PLCB4: variants seen among roughly 807,000 people sequenced by gnomAD.
The protein encoded by PLCB4 is 1-phosphatidylinositol 4,5-bisphosphate phosphodiesterase beta-4.
A neutral mutation model predicts 178.8 loss-of-function variants in PLCB4; 77 were observed. The ratio of observed to expected loss-of-function variants is 0.43; its 90% confidence interval spans 0.36 to 0.52. PLCB4 has a LOEUF of 0.52. Among genes scored for constraint, PLCB4 ranks in the 20% least tolerant of loss-of-function variants. The probability of loss-of-function intolerance (pLI) is 0.00; values close to 1 mark genes in which losing one functional copy is unlikely to be tolerated. For synonymous variants in PLCB4, 496 were observed against 490.8 expected (o/e 1.01, Z -0.14); for missense variants, 1,024 against 1,453.4 (o/e 0.70, Z 4.80).
intron 28 of PLCB4, among the ~76,000 whole-genome samples, chr20:9,424,695 G>A (rs1244007200): frequency 6.6e-6 from 1 of 152,144 alleles, no homozygotes; most frequent in Non-Finnish European, 1.5e-5. Flanking sequence ...CCCCTGCAAA[G>A]TGAAGATAAT....
rs1182938582 is a variant in PLCB4, at chr20:9,349,074, AAAG to A, written c.369+10040_369+10042del. On this transcript the variant is annotated intron_variant, in intron 7 of 39. Transcript: ENST00000378473. ...ATAGTAAAAAAAAAAAAAGAAAAGA[AAAG>A]AAAAAGAAACTAAAAATCCCCTAGA... Among the ~76,000 whole-genome samples, 19 of 152,172 alleles carry A rather than the reference AAAG, an allele frequency of 1.2e-4. No individual in the cohort carries two copies. The East Asian group carries it at 3.7e-3, about 29-fold the overall frequency.
At chr20:9,390,701 A>G (rs2038068710) in intron 17 of PLCB4, 86 bp downstream of exon 17, 1 of 633,044 alleles carries the variant, frequency 1.6e-6, no homozygotes, top group Non-Finnish European at 2.9e-6. Flanking sequence ...TAGAGGACTA[A>G]TGCTAAAGAT....
chr20:9,184,044 G>A (rs919067755), intron 2 of PLCB4, among the ~76,000 whole-genome samples: 22 of 152,176 alleles, frequency 1.4e-4, no homozygotes, highest in African/African-American at 4.8e-4. Flanking sequence ...CCTGCAAAAA[G>A]AGGCAAAATT....
At chr20:9,399,611 C>A (rs1375308727) in intron 19 of PLCB4, among the ~76,000 whole-genome samples, 2 of 152,168 alleles carry the variant, frequency 1.3e-5, no homozygotes, top group Admixed American at 6.5e-5. Flanking sequence ...GGATAGGAGA[C>A]AAGTAGTGGA....
At chr20:9,296,194 G>A (rs1005872542) in intron 3 of PLCB4, among the ~76,000 whole-genome samples, 31 of 152,132 alleles carry the variant, frequency 2.0e-4, no homozygotes, top group African/African-American at 4.1e-4. Context: ...AAAAGTGGGC[G>A]AAGGATGTGA....
chr20:9,228,744 C>T (rs999551361), intron 3 of PLCB4, among the ~76,000 whole-genome samples: 8 of 152,114 alleles, frequency 5.3e-5, no homozygotes, highest in African/African-American at 1.9e-4. Context: ...ACTTCAGTAA[C>T]TATAATGGGA....
chr20:9,395,734 T>C (rs2038528802), intron 19 of PLCB4, 116 bp downstream of exon 19: 3 of 661,694 alleles, frequency 4.5e-6, no homozygotes, highest in East Asian at 3.1e-5. Context: ...GAGGCCAAGG[T>C]GGGAGGATTG....
intron 26 of PLCB4, among the ~76,000 whole-genome samples, chr20:9,420,307 A>T (rs1602558425): frequency 6.6e-6 from 1 of 152,070 alleles, no homozygotes; most frequent in East Asian, 1.9e-4. Flanking sequence ...ATGTGCTCAT[A>T]TGTCCCAACT....
intron 1 of PLCB4, among the ~76,000 whole-genome samples, chr20:9,076,827 T>C (rs1209914614): frequency 3.3e-5 from 3 of 91,040 alleles, no homozygotes; most frequent in Non-Finnish European, 5.0e-5. Context: ...GGGATTTCTT[T>C]TAATTTTTTT....
chr20:9,300,859 T>C (rs980504976), intron 3 of PLCB4, among the ~76,000 whole-genome samples: 8 of 152,080 alleles, frequency 5.3e-5, no homozygotes, highest in African/African-American at 1.9e-4. Context: ...TTTTCTGGGC[T>C]ACTATAAAAA....
At chr20:9,163,937 C>T (rs908621100) in intron 2 of PLCB4, among the ~76,000 whole-genome samples, 4 of 151,854 alleles carry the variant, frequency 2.6e-5, no homozygotes, top group Middle Eastern at 6.3e-3. Flanking sequence ...ATAATGTAAA[C>T]GAGATAAGTT....
chr20:9,364,462 A>G (rs566540617), intron 8 of PLCB4, among the ~76,000 whole-genome samples: 4 of 152,276 alleles, frequency 2.6e-5, no homozygotes, highest in Non-Finnish European at 5.9e-5. Context: ...CCATTCCTGG[A>G]AGATTATACT....
At chr20:9,448,153 GTAGAAA>G (rs944007697) in intron 32 of PLCB4, among the ~76,000 whole-genome samples, 10 of 152,046 alleles carry the variant, frequency 6.6e-5, no homozygotes, top group Non-Finnish European at 1.3e-4. Flanking sequence ...TGAGCCCTTA[GTAGAAA>G]CCCCACTAAT....
At chr20:9,124,021 T>C (rs2092045153) in intron 2 of PLCB4, among the ~76,000 whole-genome samples, 1 of 152,124 alleles carries the variant, frequency 6.6e-6, no homozygotes, top group Admixed American at 6.6e-5. Flanking sequence ...GTATGCTGAA[T>C]TTTGAATTTC....
intron 3 of PLCB4, among the ~76,000 whole-genome samples, chr20:9,276,160 G>A (rs1362155178): frequency 2.0e-5 from 3 of 152,062 alleles, no homozygotes; most frequent in African/African-American, 2.4e-5. Flanking sequence ...ACAATACTGG[G>A]CAGGTGAAGG....
At chr20:9,205,127 T>G (rs1000488355) in intron 2 of PLCB4, among the ~76,000 whole-genome samples, 3 of 152,204 alleles carry the variant, frequency 2.0e-5, no homozygotes, top group Non-Finnish European at 4.4e-5. Flanking sequence ...GGCTAGCATA[T>G]GTAATGAGTT....
intron 2 of PLCB4, among the ~76,000 whole-genome samples, chr20:9,125,524 G>A (rs945990578): frequency 2.6e-5 from 4 of 151,962 alleles, no homozygotes; most frequent in Admixed American, 6.6e-5. Flanking sequence ...GATATAACTC[G>A]TAATGAGGGA....
chr20:9,083,300 A>G (rs1000438612), intron 1 of PLCB4, among the ~76,000 whole-genome samples: 3 of 151,984 alleles, frequency 2.0e-5, no homozygotes, highest in Non-Finnish European at 4.4e-5. Context: ...ACTGCTTCCT[A>G]TCCTCACACA....
At position 9,390,739 on chromosome 20, in the gene PLCB4, C is replaced by T. The variant is rs187775111; in HGVS notation, c.1323+124C>T. ...TCATATTTATTTAAATTCTTTGGTA[C>T]GGAAAGCTTACATCATGCTTCAGAG... On this transcript the variant is annotated intron_variant, in intron 17 of 39. Coordinates refer to ENST00000378473, the MANE Select transcript of PLCB4 (RefSeq NM_001377142.1). 7.6e-3 allele frequency: 4,091 copies of T among 540,890 alleles called. 34 individuals are homozygous for T. Among genetic ancestry groups the T allele is most frequent in the Middle Eastern group, 0.012 (25 of 2,066 alleles). The allele number at this position is 540,890 out of a possible 1,614,324, so 33.5% of individuals were successfully genotyped here.
Sources: gnomAD v4.1 joint callset for allele counts (sites outside exome capture counted in the v4.1 genomes callset) on GRCh38, gnomAD v4.1.1 for gene constraint, MANE v1.5 for transcripts, NCBI Gene and HGNC (gene_info 2026-07-23, HGNC 2026-07-21) for gene names.